Variants in SV2C observed in about 807,000 individuals in gnomAD.
SV2C encodes the protein synaptic vesicle glycoprotein 2C, also known as solute carrier family 22 member B3.
A neutral mutation model predicts 79.7 loss-of-function variants in SV2C; 49 were observed. That is an observed-to-expected ratio of 0.61 (90% CI 0.49 to 0.78). SV2C has a LOEUF of 0.78. Among genes scored for constraint, SV2C ranks in the 30% least tolerant of loss-of-function variants. The pLI, the probability that SV2C is intolerant of heterozygous loss-of-function variation, is 0.00. For synonymous variants in SV2C, 334 were observed against 333.2 expected (o/e 1.00, Z -0.03); for missense variants, 833 against 912.9 (o/e 0.91, Z 1.13).
intron 4 of SV2C, among the ~76,000 whole-genome samples, chr5:76,217,654 G>C (rs1267331356): frequency 6.6e-6 from 1 of 152,046 alleles, no homozygotes; most frequent in Non-Finnish European, 1.5e-5. Flanking sequence ...TACCCAGATT[G>C]CCAGAGCAGC....
the SV2C span, among the ~76,000 whole-genome samples, chr5:76,052,682 T>A: frequency 2.6e-5 from 4 of 152,226 alleles, no homozygotes; most frequent in Non-Finnish European, 5.9e-5. Flanking sequence ...ACTCTCTAAG[T>A]GGGTCCTGAC....
In SV2C at chr5:76,331,117, C is replaced by G. The variant is rs1392828457; in HGVS notation, c.*5570C>G. 6.6e-6 allele frequency: 1 copy of G among 152,276 alleles called. No individual in the cohort carries two copies. Among genetic ancestry groups the G allele is most frequent in the African/African-American group, 2.4e-5 (1 of 41,424 alleles). The allele number at this position is 152,276 out of a possible 1,614,324, so 9.4% of individuals were successfully genotyped here. On this transcript the variant is annotated 3_prime_UTR_variant, in exon 13 of 13. Transcript: ENST00000502798. ...AAGTGATCTACCCACCTTGGCCTCC[C>G]AAAGTGCTGGGATTACAGGCATGAG...
At chr5:76,238,027 TACACAC>T (rs796926428) in intron 4 of SV2C, among the ~76,000 whole-genome samples, 297 of 122,922 alleles carry the variant, frequency 2.4e-3, no homozygotes, top group Non-Finnish European at 3.9e-3. Context: ...CAATCACACA[TACACAC>T]ACACACACAC....
chr5:75,958,042 G>A, the SV2C span, among the ~76,000 whole-genome samples: 8 of 151,978 alleles, frequency 5.3e-5, no homozygotes, highest in African/African-American at 1.7e-4. Context: ...AATGCCTTTT[G>A]AGCATAGCCC....
chr5:76,121,003 A>G (rs928802850), intron 1 of SV2C, among the ~76,000 whole-genome samples: 19 of 150,904 alleles, frequency 1.3e-4, no homozygotes, highest in South Asian at 2.1e-4. Context: ...AAGTGTTCCT[A>G]TTTCTCCACA....
the SV2C span, among the ~76,000 whole-genome samples, chr5:75,946,558 CT>C: frequency 6.6e-6 from 1 of 152,012 alleles, no homozygotes. Flanking sequence ...ATTCCGGGTC[CT>C]TTGCATTACC....
the SV2C span, among the ~76,000 whole-genome samples, chr5:75,853,322 G>A: frequency 1.3e-5 from 2 of 151,802 alleles, no homozygotes; most frequent in Admixed American, 1.3e-4. Flanking sequence ...TTTGGGAGGC[G>A]GAGGCGGGCG....
chr5:76,045,575 A>C, the SV2C span, among the ~76,000 whole-genome samples: 1 of 152,194 alleles, frequency 6.6e-6, no homozygotes, highest in Admixed American at 6.5e-5. Context: ...GCCAATATGC[A>C]TTGAGCGAAT....
intron 2 of SV2C, among the ~76,000 whole-genome samples, chr5:76,144,915 T>G (rs766707052): frequency 7.9e-5 from 12 of 152,100 alleles, no homozygotes; most frequent in Non-Finnish European, 1.5e-4. Flanking sequence ...GAATTTTGAG[T>G]TTATAAGTAC....
At chr5:75,927,688 C>T in the SV2C span, among the ~76,000 whole-genome samples, 1 of 152,138 alleles carries the variant, frequency 6.6e-6, no homozygotes, top group Non-Finnish European at 1.5e-5. Context: ...CCCCAAACCC[C>T]ACAAAAGAAC....
At chr5:76,030,008 A>G in the SV2C span, among the ~76,000 whole-genome samples, 1 of 152,162 alleles carries the variant, frequency 6.6e-6, no homozygotes, top group African/African-American at 2.4e-5. Flanking sequence ...ATTTCGATCC[A>G]GGTGACTGCA....
intron 2 of SV2C, among the ~76,000 whole-genome samples, chr5:76,183,225 A>G (rs979686583): frequency 6.6e-6 from 1 of 151,588 alleles, no homozygotes; most frequent in South Asian, 2.1e-4. Flanking sequence ...GGGTTTCACC[A>G]TGTTGGCCAG....
chr5:76,140,972 A>G (rs1749232768), intron 2 of SV2C, among the ~76,000 whole-genome samples: 1 of 152,238 alleles, frequency 6.6e-6, no homozygotes, highest in Non-Finnish European at 1.5e-5. Flanking sequence ...GTCTACCAAC[A>G]CTAGCAAAAT....
the SV2C span, among the ~76,000 whole-genome samples, chr5:76,073,720 T>G: frequency 1.3e-5 from 2 of 151,492 alleles, no homozygotes; most frequent in Non-Finnish European, 2.9e-5. Context: ...GGCATAAGAA[T>G]GATACAATGG....
intron 12 of SV2C, among the ~76,000 whole-genome samples, chr5:76,352,211 T>G (rs543955129): frequency 7.2e-5 from 11 of 152,124 alleles, no homozygotes; most frequent in African/African-American, 2.6e-4. Flanking sequence ...AGACTCTGTC[T>G]TAAAACAAAA....
chr5:76,092,380 T>C (rs1747405380), intron 1 of SV2C, among the ~76,000 whole-genome samples: 1 of 152,182 alleles, frequency 6.6e-6, no homozygotes, highest in Non-Finnish European at 1.5e-5. Flanking sequence ...GTTTTTCTCA[T>C]GGATCTTTTT....
At chr5:76,157,427 A>G (rs755953390) in intron 2 of SV2C, among the ~76,000 whole-genome samples, 2 of 152,038 alleles carry the variant, frequency 1.3e-5, no homozygotes, top group Non-Finnish European at 2.9e-5. Flanking sequence ...TTTAGTCTGA[A>G]AGCAAGTAAC....
chr5:76,309,008 CTCAGAGCA>C (rs1294353091), intron 12 of SV2C, among the ~76,000 whole-genome samples: 2 of 151,814 alleles, frequency 1.3e-5, no homozygotes, highest in Non-Finnish European at 2.9e-5. Flanking sequence ...GTGCATGATG[CTCAGAGCA>C]TCAGAGAGGT....
the SV2C span, among the ~76,000 whole-genome samples, chr5:75,970,767 C>T: frequency 9.9e-5 from 15 of 152,204 alleles, no homozygotes; most frequent in East Asian, 2.9e-3. Flanking sequence ...TGGTACCATT[C>T]CTTCTGAAAC....
Sources: allele counts gnomAD v4.1 joint callset (sites outside exome capture counted in the v4.1 genomes callset), GRCh38; gene constraint gnomAD v4.1.1; transcripts MANE v1.5; gene names NCBI Gene and HGNC (gene_info 2026-07-23, HGNC 2026-07-21).